Variants in PLPPR1 observed in about 807,000 individuals in gnomAD.
The protein encoded by PLPPR1 is phospholipid phosphatase-related protein type 1.
PLPPR1 carries 10 observed loss-of-function variants against 33.1 expected under a neutral mutation model. The ratio of observed to expected loss-of-function variants is 0.30; its 90% CI spans 0.19 to 0.51. PLPPR1 has a LOEUF of 0.51. Among genes scored for constraint, PLPPR1 ranks in the 20% least tolerant of loss-of-function variants. The probability of loss-of-function intolerance (pLI) is 0.97; values close to 1 mark genes in which losing one functional copy is unlikely to be tolerated. For synonymous variants in PLPPR1, 151 were observed against 151.0 expected (o/e 1.00, Z 0.00); for missense variants, 304 against 408.1 (o/e 0.74, Z 2.20).
intron 1 of PLPPR1, among the ~76,000 whole-genome samples, chr9:101,180,789 G>A (rs1826096967): frequency 6.6e-6 from 1 of 151,754 alleles, no homozygotes; most frequent in East Asian, 1.9e-4. Flanking sequence ...AAAACTACAA[G>A]AAGAAAACAA....
intron 4 of PLPPR1, among the ~76,000 whole-genome samples, chr9:101,304,568 T>C (rs1828812567): frequency 2.0e-5 from 3 of 152,224 alleles, no homozygotes; most frequent in African/African-American, 4.8e-5. Context: ...AATGGTACCA[T>C]ACTAGTCTAA....
In PLPPR1 at chr9:101,185,498, G is replaced by A. The variant is rs1404237527; in HGVS notation, c.4G>A (p.Ala2Thr). Residue 2 changes from alanine to threonine, a missense_variant, in exon 2 of 8, where the codon GCT becomes ACT. Physicochemically the swap from Ala to Thr is moderately conservative, Grantham distance 58. Transcript: ENST00000374874. ...GTCTTGCTATATGGTGTGAGAAATG[G>A]CTGTAGGAAACAACACTCAACGAAG... M[A>T]VGNNTQRSYS... 6.2e-7 allele frequency: 1 copy of A among 1,605,672 alleles called. No individual in the cohort carries two copies. The highest frequency in any genetic ancestry group is 8.5e-7 in the Non-Finnish European group (1 of 1,173,768).
chr9:101,315,757 G>T (rs1829039731), intron 6 of PLPPR1, among the ~76,000 whole-genome samples: 1 of 152,214 alleles, frequency 6.6e-6, no homozygotes, highest in Non-Finnish European at 1.5e-5. Flanking sequence ...GGGAGGGGAA[G>T]GATGTCCTGG....
At chr9:101,249,938 T>C (rs945257546) in intron 2 of PLPPR1, among the ~76,000 whole-genome samples, 1 of 152,094 alleles carries the variant, frequency 6.6e-6, no homozygotes, top group African/African-American at 2.4e-5. Flanking sequence ...CTTTCCTTTC[T>C]CTACATTGTC....
intron 1 of PLPPR1, among the ~76,000 whole-genome samples, chr9:101,112,942 A>C (rs965397359): frequency 2.0e-5 from 3 of 152,096 alleles, no homozygotes; most frequent in African/African-American, 7.2e-5. Flanking sequence ...ATTTTCTTTC[A>C]TTTTCAGTGA....
In PLPPR1 at chr9:101,095,263, A is replaced by G. The variant is rs554793853; in HGVS notation, c.-46+66161A>G. Among the ~76,000 whole-genome samples, 8 of 121,990 alleles carry G rather than the reference A, an allele frequency of 6.6e-5. No individual in the cohort carries two copies. In the South Asian group the frequency reaches 1.3e-3, roughly 20 times the overall value. 80.0% of individuals were successfully genotyped at this position (121,990 alleles called of 152,430 possible). On this transcript the variant is annotated intron_variant, in intron 1 of 7. Transcript: ENST00000374874. The stretch of plus-strand genomic sequence containing the variant: ...AACATCTGAGATAACTGGGACTTCT[A>G]TTCATTCCCCACTGCTTCCTATGCT...
intron 1 of PLPPR1, among the ~76,000 whole-genome samples, chr9:101,127,806 T>G (rs1314908294): frequency 6.6e-6 from 1 of 152,180 alleles, no homozygotes; most frequent in African/African-American, 2.4e-5. Flanking sequence ...TCTTTTACAT[T>G]ATGTCAGACA....
intron 1 of PLPPR1, among the ~76,000 whole-genome samples, chr9:101,067,913 T>A (rs960870776): frequency 6.6e-6 from 1 of 152,070 alleles, no homozygotes; most frequent in African/African-American, 2.4e-5. Flanking sequence ...TTGTTTATTG[T>A]TTAAGTGAGG....
chr9:101,237,867 T>C (rs558428436), intron 2 of PLPPR1, among the ~76,000 whole-genome samples: 14 of 136,070 alleles, frequency 1.0e-4, no homozygotes, highest in African/African-American at 1.7e-4. Context: ...TATATATATA[T>C]ACACACACAT....
intron 1 of PLPPR1, among the ~76,000 whole-genome samples, chr9:101,108,192 C>T (rs979009287): frequency 6.6e-6 from 1 of 152,038 alleles, no homozygotes; most frequent in African/African-American, 2.4e-5. Context: ...CAACTTTTAT[C>T]TTCTACTATT....
intron 4 of PLPPR1, among the ~76,000 whole-genome samples, chr9:101,308,748 G>A (rs1828900307): frequency 6.6e-6 from 1 of 152,026 alleles, no homozygotes; most frequent in Non-Finnish European, 1.5e-5. Flanking sequence ...GTAGAATCAG[G>A]GAGAAGGTAT....
chr9:101,082,423 A>G (rs1830631474), intron 1 of PLPPR1, among the ~76,000 whole-genome samples: 1 of 151,236 alleles, frequency 6.6e-6, no homozygotes, highest in African/African-American at 2.4e-5. Flanking sequence ...CAAGGAGGGG[A>G]TTTTTATTTT....
chr9:101,295,825 G>C (rs1170374718), intron 4 of PLPPR1, among the ~76,000 whole-genome samples: 19 of 151,370 alleles, frequency 1.3e-4, no homozygotes, highest in Non-Finnish European at 7.4e-5. Flanking sequence ...AGACTTAAAC[G>C]TTAGACCTAA....
chr9:101,239,860 C>T (rs1588090245), intron 2 of PLPPR1, among the ~76,000 whole-genome samples: 1 of 152,036 alleles, frequency 6.6e-6, no homozygotes, highest in Non-Finnish European at 1.5e-5. Flanking sequence ...TTCCTTCACA[C>T]TGTTGTTTCC....
chr9:101,030,958 G>T (rs1044614088), intron 1 of PLPPR1, among the ~76,000 whole-genome samples: 1 of 152,022 alleles, frequency 6.6e-6, no homozygotes, highest in African/African-American at 2.4e-5. Context: ...AAAGAAGCAG[G>T]GGGTGGGGGG....
intron 1 of PLPPR1, among the ~76,000 whole-genome samples, chr9:101,148,122 T>C (rs1431474): frequency 0.68 from 102,877 of 151,992 alleles, 35,650 homozygotes; most frequent in Non-Finnish European, 0.76. Flanking sequence ...AGTATAACTG[T>C]GAGGTGGGTA....
In PLPPR1 at chr9:101,095,608, C is replaced by A. The variant is rs542862296; in HGVS notation, c.-46+66506C>A. 3.3e-5 allele frequency among the ~76,000 whole-genome samples: 5 copies of A among 152,252 alleles called. No homozygotes were observed. The East Asian group carries it at 9.7e-4, about 29-fold the overall frequency. On this transcript the variant is annotated intron_variant, in intron 1 of 7. Coordinates refer to ENST00000374874, the MANE Select transcript of PLPPR1 (RefSeq NM_207299.2). ...CAGACATAAAACTTTCACATAAAAG[C>A]TTCAGGGTAGGCATTACTATCCCCT... is the stretch of plus-strand genomic sequence containing the variant.
intron 4 of PLPPR1, among the ~76,000 whole-genome samples, chr9:101,295,462 A>C (rs2118931706): frequency 6.6e-6 from 1 of 152,324 alleles, no homozygotes; most frequent in Middle Eastern, 3.4e-3. Flanking sequence ...TTTAAAGTTC[A>C]TATGGAACCA....
intron 1 of PLPPR1, among the ~76,000 whole-genome samples, chr9:101,075,031 CGGGAA>C (rs1830520644): frequency 6.6e-6 from 1 of 152,086 alleles, no homozygotes; most frequent in South Asian, 2.1e-4. Context: ...ACAACAGTTG[CGGGAA>C]ACTGCTCAAA....
Sources: allele counts gnomAD v4.1 joint callset (sites outside exome capture counted in the v4.1 genomes callset), GRCh38; gene constraint gnomAD v4.1.1; transcripts MANE v1.5; gene names NCBI Gene and HGNC (gene_info 2026-07-23, HGNC 2026-07-21).